Variants in GALNT13 observed in about 807,000 individuals in gnomAD.
GALNT13 encodes the protein UDP-GalNAc:polypeptide N-acetylgalactosaminyltransferase 13.
A neutral mutation model predicts 64.2 loss-of-function variants in GALNT13; 28 were observed. The ratio of observed to expected loss-of-function variants is 0.44; its 90% confidence interval spans 0.32 to 0.60. GALNT13 has a LOEUF of 0.60. Ranked by LOEUF, GALNT13 falls within the 20% of genes least tolerant of loss-of-function variation. GALNT13 has a pLI of 0.05. For synonymous variants in GALNT13, 214 were observed against 224.6 expected (o/e 0.95, Z 0.42); for missense variants, 577 against 669.8 (o/e 0.86, Z 1.53).
At chr2:153,637,699 T>C in the GALNT13 span, among the ~76,000 whole-genome samples, 8 of 152,156 alleles carry the variant, frequency 5.3e-5, no homozygotes, top group African/African-American at 1.7e-4. Context: ...TAAAGTGCTG[T>C]GTGGAGTGTG....
chr2:153,301,320 A>AAAAAAAAAAG, the GALNT13 span, among the ~76,000 whole-genome samples: 7 of 126,662 alleles, frequency 5.5e-5, no homozygotes, highest in African/African-American at 1.8e-4. Flanking sequence ...AAAAAAAAAG[A>AAAAAAAAAAG]AAAAAAAAAA....
At chr2:153,157,205 G>A in the GALNT13 span, among the ~76,000 whole-genome samples, 1 of 152,248 alleles carries the variant, frequency 6.6e-6, no homozygotes, top group East Asian at 1.9e-4. Context: ...AAAAAGCCAT[G>A]TTTGTGCTCT....
chr2:154,353,276 C>A (rs988530802), intron 9 of GALNT13, among the ~76,000 whole-genome samples: 1 of 152,056 alleles, frequency 6.6e-6, no homozygotes, highest in Non-Finnish European at 1.5e-5. Flanking sequence ...TGCCTTGTTA[C>A]AACTTTAAAA....
the GALNT13 span, among the ~76,000 whole-genome samples, chr2:153,199,364 C>T: frequency 6.6e-6 from 1 of 152,208 alleles, no homozygotes; most frequent in Non-Finnish European, 1.5e-5. Flanking sequence ...CATTATCCCT[C>T]ACTCATCCCG....
chr2:153,287,143 A>G, the GALNT13 span, among the ~76,000 whole-genome samples: 2 of 152,226 alleles, frequency 1.3e-5, no homozygotes, highest in African/African-American at 4.8e-5. Context: ...ATTCTGAAAC[A>G]GAAGTTCCCT....
intron 9 of GALNT13, among the ~76,000 whole-genome samples, chr2:154,313,709 T>A (rs1694180896): frequency 6.6e-6 from 1 of 152,088 alleles, no homozygotes; most frequent in Admixed American, 6.5e-5. Context: ...CACCTTGGCC[T>A]CCCAAAGTGC....
At chr2:153,573,858 T>G in the GALNT13 span, among the ~76,000 whole-genome samples, 1 of 152,092 alleles carries the variant, frequency 6.6e-6, no homozygotes, top group Non-Finnish European at 1.5e-5. Flanking sequence ...TTTCTACTTA[T>G]GATAAGTGTA....
chr2:154,169,084 C>G (rs745663884), intron 4 of GALNT13, among the ~76,000 whole-genome samples: 1 of 151,926 alleles, frequency 6.6e-6, no homozygotes, highest in Non-Finnish European at 1.5e-5. Flanking sequence ...CCTGTTCTCT[C>G]AGGAACTGAC....
At chr2:153,813,349 A>G in the GALNT13 span, among the ~76,000 whole-genome samples, 3 of 152,216 alleles carry the variant, frequency 2.0e-5, no homozygotes, top group South Asian at 6.2e-4. Flanking sequence ...TACTTAAAGT[A>G]TATATTAAAT....
At chr2:153,598,979 C>A in the GALNT13 span, among the ~76,000 whole-genome samples, 1 of 152,018 alleles carries the variant, frequency 6.6e-6, no homozygotes, top group Non-Finnish European at 1.5e-5. Context: ...TTTCCATACC[C>A]ATTTCCCTTC....
At chr2:153,871,757 C>A (rs1264487105), upstream of GALNT13, among the ~76,000 whole-genome samples, 2 of 152,026 alleles carry the variant, frequency 1.3e-5, no homozygotes, top group Non-Finnish European at 2.9e-5. Context: ...CGGGGAGGAG[C>A]GGGAGCAGGG....
chr2:153,389,458 A>C, the GALNT13 span, among the ~76,000 whole-genome samples: 1 of 152,016 alleles, frequency 6.6e-6, no homozygotes, highest in Non-Finnish European at 1.5e-5. Flanking sequence ...CTGACTCCAC[A>C]CTGGGGGTTA....
chr2:153,545,916 A>G, the GALNT13 span, among the ~76,000 whole-genome samples: 1 of 152,170 alleles, frequency 6.6e-6, no homozygotes, highest in African/African-American at 2.4e-5. Context: ...GCTGACAGGA[A>G]ATGGAACCCA....
intron 8 of GALNT13, among the ~76,000 whole-genome samples, chr2:154,287,631 T>G (rs1692347865): frequency 6.6e-6 from 1 of 152,024 alleles, no homozygotes; most frequent in South Asian, 2.1e-4. Flanking sequence ...CAATAATTCC[T>G]GTTTGGTGTT....
chr2:153,735,991 G>A, the GALNT13 span, among the ~76,000 whole-genome samples: 4 of 152,228 alleles, frequency 2.6e-5, no homozygotes, highest in Non-Finnish European at 4.4e-5. Flanking sequence ...TTGTGAAAGG[G>A]TACTTTGAAA....
Position 154,445,966 on chromosome 2 carries a change from T to A in GALNT13, c.1531-4445T>A, listed in dbSNP as rs143723879. On this transcript the variant is annotated intron_variant, in intron 12 of 12. Coordinates refer to ENST00000392825, the MANE Select transcript of GALNT13 (RefSeq NM_052917.4). ...ATTGTTTGGAGAATTAGATTAAGAG[T>A]TAATCTTTTTCTTTTTCCTCCCTTC... is the stretch of plus-strand genomic sequence containing the variant. 4.4e-3 allele frequency: 2,097 copies of A among 473,428 alleles called. 44 individuals are homozygous for A. The highest frequency in any genetic ancestry group is 0.037 in the African/African-American group (1,817 of 49,096). 29.3% of individuals were successfully genotyped at this position (473,428 alleles called of 1,614,324 possible).
At chr2:153,298,205 T>A in the GALNT13 span, among the ~76,000 whole-genome samples, 1 of 152,202 alleles carries the variant, frequency 6.6e-6, no homozygotes, top group Non-Finnish European at 1.5e-5. Flanking sequence ...TCCTTGATGC[T>A]TAGGTGGCCT....
chr2:154,128,053 G>A (rs16836088), intron 3 of GALNT13, among the ~76,000 whole-genome samples: 18,946 of 151,862 alleles, frequency 0.12, 1,306 homozygotes, highest in Middle Eastern at 0.21. Flanking sequence ...TGATGTAACC[G>A]AAATTATTTT....
intron 11 of GALNT13, among the ~76,000 whole-genome samples, chr2:154,414,035 C>T (rs922745122): frequency 2.6e-5 from 4 of 151,892 alleles, no homozygotes; most frequent in African/African-American, 9.7e-5. Context: ...TATTGTTTAA[C>T]ATACAATATT....
Sources: gnomAD v4.1 joint callset for allele counts (sites outside exome capture counted in the v4.1 genomes callset) on GRCh38, gnomAD v4.1.1 for gene constraint, MANE v1.5 for transcripts, NCBI Gene and HGNC (gene_info 2026-07-23, HGNC 2026-07-21) for gene names.